Variants in FARP2 observed in about 807,000 individuals in gnomAD.
FARP2 encodes the protein FERM, ARHGEF and pleckstrin domain-containing protein 2.
In FARP2, 111 loss-of-function variants were observed where a neutral mutation model predicts 130.5. The observed-to-expected ratio is 0.85, with a 90% CI of 0.73 to 1.00. The LOEUF is 1.00. FARP2 is among the 50% of genes least tolerant of loss of function. FARP2 has a pLI of 0.00. For synonymous variants in FARP2, 504 were observed against 516.9 expected, an observed-to-expected ratio of 0.98 and a Z score of 0.34; for missense variants, 1,385 against 1,346.3, an observed-to-expected ratio of 1.03 and a Z score of -0.45.
intron 21 of FARP2, chr2:241,488,835 A>G (rs912034283): frequency 2.6e-5 from 4 of 152,228 alleles, no homozygotes; most frequent in Non-Finnish European, 4.4e-5. Context: ...CTTTCTGGGC[A>G]TTCTGCTCCA....
chr2:241,449,486 G>GAGA (rs1205456891), intron 13 of FARP2, among the ~76,000 whole-genome samples: 1 of 151,718 alleles, frequency 6.6e-6, no homozygotes, highest in Non-Finnish European at 1.5e-5. Flanking sequence ...TTTTAAAGAG[G>GAGA]AGAATTTAAA....
intron 7 of FARP2, among the ~76,000 whole-genome samples, chr2:241,415,523 T>A (rs1574777195): frequency 6.6e-6 from 1 of 151,940 alleles, no homozygotes; most frequent in Admixed American, 6.6e-5. Context: ...GATGGGTGGG[T>A]TTGGGATGCT....
intron 13 of FARP2, chr2:241,445,290 C>G (rs1348979975): frequency 6.6e-6 from 1 of 150,790 alleles, no homozygotes; most frequent in African/African-American, 2.4e-5. Flanking sequence ...TTCCGAGTTA[C>G]TGCTCACAGC....
At chr2:241,366,130 T>TATATAC (rs1559702271) in intron 1 of FARP2, among the ~76,000 whole-genome samples, 10 of 91,104 alleles carry the variant, frequency 1.1e-4, no homozygotes, top group African/African-American at 3.1e-4. Flanking sequence ...TACGTATATA[T>TATATAC]ATATATATAC....
chr2:241,484,371 G>A (rs1207076060), intron 21 of FARP2, 40 bp downstream of exon 21: 1 of 1,547,106 alleles, frequency 6.5e-7, no homozygotes, highest in East Asian at 2.2e-5. Flanking sequence ...TCCACGTGGT[G>A]CTGGGCTGGG....
At chr2:241,491,257 C>G (rs1284943743) in intron 23 of FARP2, 78 bp downstream of exon 23, 5 of 1,058,660 alleles carry the variant, frequency 4.7e-6, no homozygotes, top group Non-Finnish European at 7.3e-6. Flanking sequence ...TTTCCTTGGT[C>G]CCCATTGGCC....
At chr2:241,417,125 C>A (rs2062693937) in intron 7 of FARP2, among the ~76,000 whole-genome samples, 1 of 151,882 alleles carries the variant, frequency 6.6e-6, no homozygotes, top group Non-Finnish European at 1.5e-5. Flanking sequence ...ACATGGCAAA[C>A]CCCGTCTCTA....
intron 14 of FARP2, among the ~76,000 whole-genome samples, chr2:241,458,207 G>A (rs948249894): frequency 2.0e-5 from 3 of 152,112 alleles, no homozygotes; most frequent in African/African-American, 7.2e-5. Flanking sequence ...GACTATATTG[G>A]GCCTGGAGTC....
chr2:241,390,786 A>G (rs1054538935), intron 2 of FARP2, among the ~76,000 whole-genome samples: 1 of 152,080 alleles, frequency 6.6e-6, no homozygotes, highest in Non-Finnish European at 1.5e-5. Flanking sequence ...AGGTTTACTC[A>G]TTCTTCGGTG....
At chr2:241,427,074 A>C (rs2150388303) in intron 8 of FARP2, among the ~76,000 whole-genome samples, 1 of 152,220 alleles carries the variant, frequency 6.6e-6, no homozygotes. Context: ...ATCTCTACTA[A>C]AAATACAAAA....
chr2:241,474,349 A>T (rs2064398195), intron 18 of FARP2, among the ~76,000 whole-genome samples: 2 of 131,618 alleles, frequency 1.5e-5, no homozygotes, highest in Non-Finnish European at 3.3e-5. Flanking sequence ...AAAAAAAAAA[A>T]AGATAGAGCT....
At chr2:241,401,002 C>T (rs1045330284) in intron 2 of FARP2, among the ~76,000 whole-genome samples, 1 of 152,208 alleles carries the variant, frequency 6.6e-6, no homozygotes, top group African/African-American at 2.4e-5. Context: ...TAAGTTCTTA[C>T]TGGAGAAGGC....
At chr2:241,387,580 T>G (rs1488866040) in intron 2 of FARP2, among the ~76,000 whole-genome samples, 1 of 151,860 alleles carries the variant, frequency 6.6e-6, no homozygotes, top group Non-Finnish European at 1.5e-5. Flanking sequence ...GATCACGAGG[T>G]CAGGAGATCG....
At chr2:241,491,447 G>C in intron 23 of FARP2, 69 bp from the exon 24 acceptor site, 2 of 1,561,764 alleles carry the variant, frequency 1.3e-6, no homozygotes, top group Non-Finnish European at 1.7e-6. Context: ...AGGAACCCAA[G>C]GGGTGGAAGT....
At chr2:241,407,678 C>A in intron 5 of FARP2, 63 bp downstream of exon 5, 1 of 1,223,572 alleles carries the variant, frequency 8.2e-7, no homozygotes, top group Non-Finnish European at 1.2e-6. Context: ...TGTTATCTCC[C>A]ACAGCACCTG....
At chr2:241,402,849 T>TATATATATATATATAC (rs2062210916) in intron 2 of FARP2, among the ~76,000 whole-genome samples, 2 of 8,334 alleles carry the variant, frequency 2.4e-4, no homozygotes, top group East Asian at 5.4e-3. Context: ...TATATATATA[T>TATATATATATATATAC]ATATATATAT....
chr2:241,405,748 A>C (rs973271992), intron 4 of FARP2, among the ~76,000 whole-genome samples: 7 of 152,178 alleles, frequency 4.6e-5, no homozygotes, highest in Admixed American at 2.6e-4. Context: ...AGCCTCGCCA[A>C]CATGGTGAAA....
chr2:241,370,665 A>G (rs2061405321), intron 1 of FARP2, among the ~76,000 whole-genome samples: 1 of 152,348 alleles, frequency 6.6e-6, no homozygotes, highest in South Asian at 2.1e-4. Context: ...TCAGAACTTC[A>G]TATATCTCAT....
intron 12 of FARP2, among the ~76,000 whole-genome samples, chr2:241,437,095 T>G (rs1381573137): frequency 6.6e-6 from 1 of 152,246 alleles, no homozygotes; most frequent in Non-Finnish European, 1.5e-5. Flanking sequence ...ACTAACTATG[T>G]TTTTAGCTGT....
Sources: allele counts gnomAD v4.1 joint callset (sites outside exome capture counted in the v4.1 genomes callset), GRCh38; gene constraint gnomAD v4.1.1; transcripts MANE v1.5; gene names NCBI Gene and HGNC (gene_info 2026-07-23, HGNC 2026-07-21).